Variants in SEMA5A observed in about 807,000 individuals in gnomAD.
The protein encoded by SEMA5A is semaphorin 5A.
Under a neutral mutation model 135.5 loss-of-function variants are expected in SEMA5A, and 55 were observed. The observed-to-expected ratio is 0.41, with a 90% confidence interval of 0.33 to 0.51. The LOEUF (loss-of-function observed/expected upper bound fraction) is 0.51, where lower values mean the gene tolerates loss of function less well. Ranked by LOEUF, SEMA5A falls within the 20% of genes least tolerant of loss-of-function variation. SEMA5A has a pLI of 0.37. For missense variants in SEMA5A, 1,290 were observed against 1,419.9 expected, an observed-to-expected ratio of 0.91 and a Z score of 1.47; for synonymous variants, 580 against 546.5, an observed-to-expected ratio of 1.06 and a Z score of -0.85.
intron 12 of SEMA5A, among the ~76,000 whole-genome samples, chr5:9,151,736 C>A (rs189026946): frequency 6.6e-6 from 1 of 152,124 alleles, no homozygotes; most frequent in Non-Finnish European, 1.5e-5. Context: ...AAAACTAACC[C>A]CCTCTGAGGA....
At chr5:9,135,528 T>C (rs534127595) in intron 13 of SEMA5A, among the ~76,000 whole-genome samples, 1 of 151,896 alleles carries the variant, frequency 6.6e-6, no homozygotes, top group African/African-American at 2.4e-5. Flanking sequence ...GAATATGTGG[T>C]TGAGATAACA....
chr5:9,526,766 T>C lies in SEMA5A; in HGVS notation c.-175+18818A>G, dbSNP rs149276695. On this transcript the variant is annotated intron_variant, in intron 1 of 22. Transcript: ENST00000382496. ...CTCAGAGGGTCAGGATGCTGGAAAT[T>C]GCCTTAGCACTGTGGGCTTTAGGTG... 2.2e-3 allele frequency among the ~76,000 whole-genome samples: 338 copies of C among 152,238 alleles called. 2 individuals are homozygous for C. The highest frequency in any genetic ancestry group is 7.7e-3 in the African/African-American group (320 of 41,544).
intron 16 of SEMA5A, among the ~76,000 whole-genome samples, chr5:9,095,459 G>C (rs945413160): frequency 6.6e-6 from 1 of 152,204 alleles, no homozygotes; most frequent in Non-Finnish European, 1.5e-5. Flanking sequence ...TCACGTAGAA[G>C]AGATCTGAAC....
At chr5:9,335,943 T>C (rs1207620137) in intron 4 of SEMA5A, among the ~76,000 whole-genome samples, 4 of 152,120 alleles carry the variant, frequency 2.6e-5, no homozygotes, top group African/African-American at 7.2e-5. Context: ...AGTCACCATC[T>C]GATAAGGGTG....
intron 4 of SEMA5A, among the ~76,000 whole-genome samples, chr5:9,333,899 A>G (rs569803588): frequency 6.6e-6 from 1 of 152,240 alleles, no homozygotes; most frequent in Non-Finnish European, 1.5e-5. Flanking sequence ...CACAAATATT[A>G]TTAACTTTTA....
chr5:9,182,912 G>GTAA (rs1471920460), intron 11 of SEMA5A, among the ~76,000 whole-genome samples: 5 of 151,924 alleles, frequency 3.3e-5, no homozygotes, highest in Non-Finnish European at 7.4e-5. Context: ...AGAACTTTCA[G>GTAA]TAATTATTAT....
chr5:9,391,195 G>C (rs547844372), intron 2 of SEMA5A, among the ~76,000 whole-genome samples: 1 of 152,294 alleles, frequency 6.6e-6, no homozygotes, highest in East Asian at 1.9e-4. Context: ...ATTTCACTAA[G>C]TAACTAGCTG....
chr5:9,256,935 A>G (rs1032361846), intron 5 of SEMA5A, among the ~76,000 whole-genome samples: 1 of 152,242 alleles, frequency 6.6e-6, no homozygotes, highest in Non-Finnish European at 1.5e-5. Context: ...TTCATCTTGC[A>G]TATCTATGTG....
intron 16 of SEMA5A, among the ~76,000 whole-genome samples, chr5:9,106,910 A>G (rs1285815818): frequency 6.6e-6 from 1 of 152,196 alleles, no homozygotes; most frequent in Non-Finnish European, 1.5e-5. Flanking sequence ...GAAGGGGAAG[A>G]AATCTAATTG....
intron 3 of SEMA5A, among the ~76,000 whole-genome samples, chr5:9,366,069 A>G (rs1181867584): frequency 2.0e-5 from 3 of 152,202 alleles, no homozygotes; most frequent in Non-Finnish European, 4.4e-5. Flanking sequence ...TTTCTAATGG[A>G]TATTCTAGCT....
chr5:9,054,173 C>T lies in SEMA5A; in HGVS notation c.2603G>A (p.Cys868Tyr). The change falls in exon 19 of 23, where the codon TGC (cysteine) becomes TAC (tyrosine). Residue 868 changes from cysteine (C) to tyrosine (Y), a missense_variant. Coordinates refer to ENST00000382496, the MANE Select transcript of SEMA5A (RefSeq NM_003966.3). ...TCCATAGGCCGGGGCTGGATTGGAG[C>T]AAGAGCGGGTCCTCATATAGTGTCC... Reference protein sequence around the residue: ...GGGHYMRTRSCSNPAPAYGGD... With the variant: ...GGGHYMRTRSYSNPAPAYGGD... The T allele has an allele frequency of 6.2e-7, 1 of 1,614,038 alleles. No individual in the cohort carries two copies. The highest frequency in any genetic ancestry group is 8.5e-7 in the Non-Finnish European group (1 of 1,179,998).
chr5:9,088,659 T>TATATATATATATATACACACACACAC, intron 16 of SEMA5A, among the ~76,000 whole-genome samples: 90 of 112,820 alleles, frequency 8.0e-4, no homozygotes, highest in African/African-American at 3.2e-3. Context: ...TATATATATA[T>TATATATATATATATACACACACACAC]ACACACACAC....
At chr5:9,068,381 T>G (rs1737588508) in intron 16 of SEMA5A, among the ~76,000 whole-genome samples, 3 of 152,168 alleles carry the variant, frequency 2.0e-5, no homozygotes, top group Admixed American at 6.5e-5. Context: ...AGAAGACTGC[T>G]CCAGTGTCTT....
chr5:9,308,799 C>A (rs953590423), intron 5 of SEMA5A, among the ~76,000 whole-genome samples: 1 of 152,068 alleles, frequency 6.6e-6, no homozygotes, highest in Admixed American at 6.6e-5. Flanking sequence ...GACCTCAACT[C>A]CTCTGCTGTT....
chr5:9,238,719 A>G (rs1394677621), intron 5 of SEMA5A, among the ~76,000 whole-genome samples: 1 of 150,280 alleles, frequency 6.7e-6, no homozygotes, highest in Non-Finnish European at 1.5e-5. Flanking sequence ...TCTCTTTTCT[A>G]TCATTGTATA....
chr5:9,292,375 T>G (rs2150587438), intron 5 of SEMA5A, among the ~76,000 whole-genome samples: 1 of 152,326 alleles, frequency 6.6e-6, no homozygotes, highest in East Asian at 1.9e-4. Flanking sequence ...AACATTACTA[T>G]TATTCCTGAG....
intron 9 of SEMA5A, among the ~76,000 whole-genome samples, chr5:9,197,656 CTCA>C (rs1745468803): frequency 6.6e-6 from 1 of 152,010 alleles, no homozygotes; most frequent in South Asian, 2.1e-4. Flanking sequence ...GATGGCGTCT[CTCA>C]TCAGCCTCAT....
chr5:9,141,952 G>T (rs1442684361), intron 12 of SEMA5A, among the ~76,000 whole-genome samples: 1 of 152,092 alleles, frequency 6.6e-6, no homozygotes, highest in Non-Finnish European at 1.5e-5. Context: ...AATATAAAAT[G>T]TATTCTTACA....
At chr5:9,343,659 T>A (rs1753744225) in intron 3 of SEMA5A, among the ~76,000 whole-genome samples, 1 of 152,118 alleles carries the variant, frequency 6.6e-6, no homozygotes, top group Admixed American at 6.6e-5. Flanking sequence ...ATCAATGAAA[T>A]CTGAGCCAAA....
Sources: gnomAD v4.1 joint callset for allele counts (sites outside exome capture counted in the v4.1 genomes callset) on GRCh38, gnomAD v4.1.1 for gene constraint, MANE v1.5 for transcripts, NCBI Gene and HGNC (gene_info 2026-07-23, HGNC 2026-07-21) for gene names.